Variants in ALK observed in about 807,000 individuals in gnomAD.
The protein encoded by ALK is ALK receptor tyrosine kinase.
ALK carries 74 observed loss-of-function variants against 163.1 expected under a neutral mutation model. That is an observed-to-expected ratio of 0.45 (90% CI 0.38 to 0.55). ALK has a LOEUF of 0.55. Ranked by LOEUF, ALK falls within the 20% of genes least tolerant of loss-of-function variation. ALK has a pLI of 0.00. For synonymous variants in ALK, 960 were observed against 843.2 expected (o/e 1.14, Z -2.40); for missense variants, 2,063 against 2,105.3 (o/e 0.98, Z 0.39).
chr2:29,220,220 C>T (rs1156785703), intron 23 of ALK, among the ~76,000 whole-genome samples: 1 of 152,118 alleles, frequency 6.6e-6, no homozygotes, highest in African/African-American at 2.4e-5. Context: ...CCTTGCTATT[C>T]TCATGATAGT....
intron 4 of ALK, among the ~76,000 whole-genome samples, chr2:29,479,688 C>G (rs1232015758): frequency 6.6e-6 from 1 of 152,110 alleles, no homozygotes; most frequent in Non-Finnish European, 1.5e-5. Context: ...GATTGAAGAC[C>G]ACAGGGTCAC....
chr2:29,648,173 C>CA (rs974934997), intron 3 of ALK, among the ~76,000 whole-genome samples: 11 of 152,110 alleles, frequency 7.2e-5, no homozygotes, highest in Non-Finnish European at 1.5e-4. Context: ...ATGCCTACCC[C>CA]AATTTAGTTT....
chr2:29,718,514 A>T (rs188302783), intron 1 of ALK, among the ~76,000 whole-genome samples: 1 of 152,286 alleles, frequency 6.6e-6, no homozygotes, highest in African/African-American at 2.4e-5. Flanking sequence ...AGGATTTGAG[A>T]ATTAGTTCTC....
chr2:29,775,467 C>T (rs956041016), intron 1 of ALK, among the ~76,000 whole-genome samples: 17 of 152,044 alleles, frequency 1.1e-4, no homozygotes, highest in Non-Finnish European at 2.9e-5. Flanking sequence ...AGATGTTATA[C>T]CCCAAAGCTT....
At chr2:29,706,992 T>TGTGTGTGG in intron 2 of ALK, among the ~76,000 whole-genome samples, 1 of 143,782 alleles carries the variant, frequency 7.0e-6, no homozygotes. Context: ...TGTGTGTGTG[T>TGTGTGTGG]GTGTGTGTGT....
intron 4 of ALK, among the ~76,000 whole-genome samples, chr2:29,481,724 T>A (rs565224182): frequency 6.0e-4 from 91 of 152,318 alleles, no homozygotes; most frequent in African/African-American, 2.2e-3. Flanking sequence ...TTTCTGGGAC[T>A]TCTCTCTCCA....
At chr2:29,592,174 G>A (rs1208949782) in intron 3 of ALK, among the ~76,000 whole-genome samples, 1 of 152,082 alleles carries the variant, frequency 6.6e-6, no homozygotes, top group Non-Finnish European at 1.5e-5. Flanking sequence ...GGGTCCCAGA[G>A]CACCTTTCTG....
At chr2:29,603,175 G>A (rs1448343602) in intron 3 of ALK, among the ~76,000 whole-genome samples, 1 of 152,150 alleles carries the variant, frequency 6.6e-6, no homozygotes, top group Non-Finnish European at 1.5e-5. Flanking sequence ...AGTCTCATAG[G>A]TGGCCACTCA....
intron 4 of ALK, among the ~76,000 whole-genome samples, chr2:29,492,477 G>C (rs1671924913): frequency 6.6e-6 from 1 of 152,140 alleles, no homozygotes; most frequent in African/African-American, 2.4e-5. Flanking sequence ...TGGGAAGAGG[G>C]AATCAGGGCC....
chr2:29,759,916 C>T (rs1282750706), intron 1 of ALK, among the ~76,000 whole-genome samples: 1 of 152,156 alleles, frequency 6.6e-6, no homozygotes, highest in Non-Finnish European at 1.5e-5. Flanking sequence ...AATTACTCAA[C>T]AATAAACACA....
chr2:29,323,894 G>C (rs1376225522), intron 6 of ALK, among the ~76,000 whole-genome samples: 1 of 152,204 alleles, frequency 6.6e-6, no homozygotes, highest in Non-Finnish European at 1.5e-5. Flanking sequence ...GAACAAAAGG[G>C]GAGTGGGCTC....
At chr2:29,592,426 G>A (rs187376133) in intron 3 of ALK, among the ~76,000 whole-genome samples, 35 of 152,264 alleles carry the variant, frequency 2.3e-4, no homozygotes, top group Non-Finnish European at 5.9e-5. Context: ...AGGCTGCTTG[G>A]AGTTGCAAAG....
intron 3 of ALK, among the ~76,000 whole-genome samples, chr2:29,590,675 G>A (rs1440807431): frequency 5.9e-5 from 9 of 151,962 alleles, no homozygotes; most frequent in African/African-American, 2.2e-4. Context: ...TTTCCTCCTT[G>A]GAATTTTCCA....
intron 4 of ALK, among the ~76,000 whole-genome samples, chr2:29,412,710 T>C (rs1474790653): frequency 2.6e-5 from 4 of 152,230 alleles, no homozygotes. Flanking sequence ...TGATGAATAA[T>C]GATTCTTGAA....
At chr2:29,274,156 C>T (rs535400934) in intron 11 of ALK, among the ~76,000 whole-genome samples, 9 of 152,216 alleles carry the variant, frequency 5.9e-5, no homozygotes, top group East Asian at 1.9e-4. Context: ...GAAAGGACTC[C>T]TTCAAAGACA....
intron 3 of ALK, among the ~76,000 whole-genome samples, chr2:29,671,970 C>A (rs377075777): frequency 6.6e-6 from 1 of 151,546 alleles, no homozygotes; most frequent in East Asian, 1.9e-4. Flanking sequence ...AAAATGTATT[C>A]TCCTCCTAGT....
intron 1 of ALK, among the ~76,000 whole-genome samples, chr2:29,756,170 A>T (rs1024312723): frequency 3.1e-4 from 47 of 152,176 alleles, no homozygotes; most frequent in Non-Finnish European, 1.3e-4. Flanking sequence ...GTTCCCTTGG[A>T]CTACAATTCT....
Position 29,211,774 on chromosome 2 carries a change from G to GAAAA in ALK, c.3744-1897_3744-1896insTTTT, listed in dbSNP as rs55700008. On this transcript the variant is annotated intron_variant, in intron 24 of 28. Transcript: ENST00000389048. ...TACAGATGACCAAATTGCCCCAGAA[G>GAAAA]GACAGTTTCTGCCAGAAGTTTTCTT... 7.9e-5 allele frequency among the ~76,000 whole-genome samples: 12 copies of GAAAA among 151,950 alleles called. No individual in the cohort carries two copies. In the South Asian group the frequency reaches 2.1e-3, roughly 26 times the overall value.
chr2:29,570,441 T>A (rs1674325492), intron 3 of ALK, among the ~76,000 whole-genome samples: 1 of 152,182 alleles, frequency 6.6e-6, no homozygotes, highest in Non-Finnish European at 1.5e-5. Flanking sequence ...TCAAGAATGT[T>A]AAAATTCTGG....
Sources: gnomAD v4.1 joint callset for allele counts (sites outside exome capture counted in the v4.1 genomes callset) on GRCh38, gnomAD v4.1.1 for gene constraint, MANE v1.5 for transcripts, NCBI Gene and HGNC (gene_info 2026-07-23, HGNC 2026-07-21) for gene names.